MUC5AC: variants seen among roughly 807,000 people sequenced by gnomAD.
The protein encoded by MUC5AC is mucin-5AC.
A neutral mutation model predicts 169.7 loss-of-function variants in MUC5AC; 158 were observed. The ratio of observed to expected loss-of-function variants is 0.93; its 90% confidence interval spans 0.82 to 1.06. The LOEUF is 1.06. Ranked by LOEUF, MUC5AC falls within the 50% of genes least tolerant of loss-of-function variation. The pLI is 0.00. For missense variants in MUC5AC, 4,359 were observed against 3,089.9 expected, an observed-to-expected ratio of 1.41 and a Z score of -9.74; for synonymous variants, 1,975 against 1,237.0, an observed-to-expected ratio of 1.60 and a Z score of -12.52.
chr11:1,166,750 C>A (rs1195302654), intron 11 of MUC5AC, among the ~76,000 whole-genome samples: 1 of 31,660 alleles, frequency 3.2e-5, no homozygotes, highest in East Asian at 1.4e-3. Flanking sequence ...TGAGACCCTG[C>A]ACCCAACACA....
At chr11:1,167,327 C>G (rs995318163) in intron 11 of MUC5AC, among the ~76,000 whole-genome samples, 1 of 139,350 alleles carries the variant, frequency 7.2e-6, no homozygotes, top group Non-Finnish European at 1.6e-5. Context: ...TAGTCTCCCC[C>G]GATGAGACCC....
In MUC5AC at chr11:1,189,147, A is replaced by C. The variant is rs1481236137; in HGVS notation, c.11002A>C (p.Thr3668Pro). The part of the protein sequence containing the change: ...TLVTSSITST[T>P]QTSTTSAPTT... ...GGTGACAAGCAGCATAACCTCCACTACACAGACCAGCACAACCTCTGCCCC... is the reference window on the plus strand; with the variant it reads ...GGTGACAAGCAGCATAACCTCCACTCCACAGACCAGCACAACCTCTGCCCC... Residue 3668 changes from threonine (T) to proline (P), a missense_variant, in exon 31 of 49, where the codon ACA becomes CCA. Transcript: ENST00000621226. 97,424 of 597,246 alleles carry C rather than the reference A, an allele frequency of 0.16. 9,202 individuals are homozygous for C. The highest frequency in any genetic ancestry group is 0.2 in the Non-Finnish European group (65,934 of 335,412). The allele number at this position is 597,246 out of a possible 1,614,324, so 37.0% of individuals were successfully genotyped here.
In MUC5AC at chr11:1,190,942, C is replaced by A. The variant is rs1861076605; in HGVS notation, c.12797C>A (p.Thr4266Asn). The A allele has an allele frequency of 5.4e-6, 4 of 738,446 alleles. No homozygotes were observed. The highest frequency in any genetic ancestry group is 9.9e-6 in the Non-Finnish European group (4 of 405,804). 45.7% of individuals were successfully genotyped at this position (738,446 alleles called of 1,614,324 possible). A position where few individuals can be genotyped will look rare whatever the true frequency, so the allele number is the denominator to read the frequency against. The change falls in exon 31 of 49, where the codon ACC becomes AAC. Residue 4266 changes from threonine (T) to asparagine (N), a missense_variant. Thr to Asn is a moderately conservative substitution (Grantham distance 65). Transcript: ENST00000621226. ...TPSPVPSTST[T>N]SAATTSTTSA... is the part of the protein sequence containing the mutation. ...AGCCCTGTTCCCAGCACCAGTACAACCTCTGCTGCTACAACCAGCACAACC... is the reference window on the plus strand; with the variant it reads ...AGCCCTGTTCCCAGCACCAGTACAAACTCTGCTGCTACAACCAGCACAACC...
At chr11:1,178,307 G>A (rs1339197073) in intron 24 of MUC5AC, 137 bp from the exon 25 acceptor site, 12 of 399,468 alleles carry the variant, frequency 3.0e-5, no homozygotes, top group Non-Finnish European at 5.3e-5. Context: ...ACCTGTGGTC[G>A]CTGTTGGCCA....
chr11:1,162,276 C>A, intron 4 of MUC5AC, 108 bp downstream of exon 4: 1 of 1,469,362 alleles, frequency 6.8e-7, no homozygotes, highest in Non-Finnish European at 9.1e-7. Context: ...TCTCAGGAAG[C>A]CCCTGAGAGC....
chr11:1,195,209 A>T lies in MUC5AC; in HGVS notation c.15388A>T (p.Thr5130Ser). The change falls in exon 36 of 49, where the codon ACC becomes TCC. Residue 5130 changes from threonine to serine, a missense_variant. Physicochemically the swap from Thr to Ser is moderately conservative, Grantham distance 58. Coordinates refer to ENST00000621226, the MANE Select transcript of MUC5AC (RefSeq NM_001304359.2). ...GGTCGGGCCCACCACAGTTGGGTCT[A>T]CCACGGTCGGGCCCACCACACCGCC... ...TTVGPTTVGS[T>S]TVGPTTPPAP... The T allele has an allele frequency of 1.3e-6, 1 of 759,892 alleles. No individual in the cohort carries two copies. The allele number at this position is 759,892 out of a possible 1,614,324, so 47.1% of individuals were successfully genotyped here.
At chr11:1,163,774 C>A (rs1860216390) in intron 6 of MUC5AC, 108 bp from the exon 7 acceptor site, 2 of 836,358 alleles carry the variant, frequency 2.4e-6, no homozygotes, top group Non-Finnish European at 3.9e-6. Context: ...CACCGATGGC[C>A]CTTCTAACCC....
rs1860958350 is a variant in MUC5AC at position 1,186,787 on chromosome 11, G to A, written c.8642G>A (p.Gly2881Glu). The change falls in exon 31 of 49, where the codon GGA (glycine) becomes GAA (glutamate). Residue 2881 changes from glycine to glutamate, a missense_variant. Physicochemically the swap from Gly to Glu is moderately conservative, Grantham distance 98. Coordinates refer to ENST00000621226, the MANE Select transcript of MUC5AC (RefSeq NM_001304359.2). ...ACAACCAGCACAACCTCTGGCCCTGGAACTACTCCCAGCCCTGTTCCCACC... is the reference window on the plus strand; with the variant it reads ...ACAACCAGCACAACCTCTGGCCCTGAAACTACTCCCAGCCCTGTTCCCACC... The part of the protein sequence containing the change: ...TATTSTTSGP[G>E]TTPSPVPTTS... 1 of 724,786 alleles carries A rather than the reference G, an allele frequency of 1.4e-6. No individual in the cohort carries two copies. Among genetic ancestry groups the A allele is most frequent in the East Asian group, 2.6e-5 (1 of 39,088 alleles). The allele number at this position is 724,786 out of a possible 1,614,324, so 44.9% of individuals were successfully genotyped here.
chr11:1,163,835 C>T (rs769517549), intron 6 of MUC5AC, 47 bp from the exon 7 acceptor site: 27 of 1,463,086 alleles, frequency 1.8e-5, no homozygotes, highest in Middle Eastern at 3.4e-4. Context: ...GCTGGGCTGA[C>T]GGGTACCGGG....
intron 30 of MUC5AC, 142 bp downstream of exon 30, chr11:1,181,601 G>A (rs1180257534): frequency 5.0e-6 from 2 of 397,604 alleles, no homozygotes; most frequent in Non-Finnish European, 8.9e-6. Context: ...GAGGAGCAGG[G>A]AGTCGGGCTC....
chr11:1,168,395 GGC>G, intron 12 of MUC5AC, 86 bp from the exon 13 acceptor site: 2 of 1,333,188 alleles, frequency 1.5e-6, no homozygotes, highest in Non-Finnish European at 2.1e-6. Context: ...AGGCCTCCTA[GGC>G]ACCTGCAGGC....
In MUC5AC at chr11:1,187,359, C is replaced by G; in HGVS notation, c.9214C>G (p.Pro3072Ala). Reference protein sequence around the residue: ...SGPGTTPSPVPTTSTTSAPTT... With the variant: ...SGPGTTPSPVATTSTTSAPTT... ...TCCTGGAACTACCCCAAGCCCTGTT[C>G]CCACCACCAGCACAACCTCTGCTCC... The change falls in exon 31 of 49, where the codon CCC becomes GCC. Residue 3072 changes from proline (P) to alanine (A), a missense_variant. By Grantham distance (27) the Pro-to-Ala change is conservative. Transcript: ENST00000621226. 1 of 744,698 alleles carries G rather than the reference C, an allele frequency of 1.3e-6. No individual in the cohort carries two copies. The highest frequency in any genetic ancestry group is 2.5e-6 in the Non-Finnish European group (1 of 407,652). 46.1% of individuals were successfully genotyped at this position (744,698 alleles called of 1,614,324 possible).
At position 1,185,255 on chromosome 11, in the gene MUC5AC, C is replaced by G; in HGVS notation, c.7110C>G (p.Thr2370=). 1 of 704,096 alleles carries G rather than the reference C, an allele frequency of 1.4e-6. No homozygotes were observed. Among genetic ancestry groups the G allele is most frequent in the Non-Finnish European group, 2.6e-6 (1 of 386,936 alleles). The allele number at this position is 704,096 out of a possible 1,614,324, so 43.6% of individuals were successfully genotyped here. Reference sequence around the variant, plus strand: ...CCAGCACAACCTCTGCTCCTACAACCAGCACAACCTCTGCCCGTACAAGCA... The same window carrying G: ...CCAGCACAACCTCTGCTCCTACAACGAGCACAACCTCTGCCCGTACAAGCA... The part of the protein sequence containing the change: ...PTTSTTSAPT[T]STTSARTSST... Residue 2370 remains threonine, a synonymous_variant, in exon 31 of 49, where the codon ACC becomes ACG. Coordinates refer to ENST00000621226, the MANE Select transcript of MUC5AC (RefSeq NM_001304359.2).
In MUC5AC at chr11:1,189,381, TCTGCCC is replaced by T. The variant is rs1293986864; in HGVS notation, c.11239_11244del (p.Ala3747_Pro3748del). The stretch of plus-strand genomic sequence containing the variant: ...CTCTGCCCCTACAACCAGCACAATC[TCTGCCC>T]CTACAACCAGCACAACCTCTGCTCC... On this transcript the variant is annotated inframe_deletion, in exon 31 of 49. Transcript: ENST00000621226. 3.5e-6 allele frequency: 2 copies of T among 573,286 alleles called. No individual in the cohort carries two copies. The highest frequency in any genetic ancestry group is 5.6e-5 in the East Asian group (2 of 35,772). 35.5% of individuals were successfully genotyped at this position (573,286 alleles called of 1,614,324 possible).
In MUC5AC at chr11:1,168,762, T is replaced by C; in HGVS notation, c.1688T>C (p.Leu563Pro). 6.2e-7 allele frequency: 1 copy of C among 1,604,352 alleles called. No individual in the cohort carries two copies. The highest frequency in any genetic ancestry group is 8.5e-7 in the Non-Finnish European group (1 of 1,173,380). The change falls in exon 14 of 49, where the codon CTC becomes CCC. Residue 563 changes from leucine to proline, a missense_variant. Coordinates refer to ENST00000621226, the MANE Select transcript of MUC5AC (RefSeq NM_001304359.2). Reference protein sequence around the residue: ...MQLFMQLAPKLRGQTCGLCGN... With the variant: ...MQLFMQLAPKPRGQTCGLCGN... ...CTGTTCATGCAGCTGGCGCCCAAGC[T>C]CCGTGGGCAGACCTGCGGTAAGAGG... is the stretch of plus-strand genomic sequence containing the variant.
chr11:1,160,888 C>T (rs1293446163), intron 2 of MUC5AC, among the ~76,000 whole-genome samples, 199 bp downstream of exon 2: 2 of 152,230 alleles, frequency 1.3e-5, no homozygotes, highest in East Asian at 1.9e-4. Context: ...GGGCCAGCCC[C>T]CTGCAGCGCT....
In MUC5AC at chr11:1,168,937, C is replaced by G; in HGVS notation, c.1781C>G (p.Ala594Gly). ...TLSGVVEATA[A>G]AFFNTFKTQA... ...AGTGGGGTGGTGGAGGCCACCGCTG[C>G]GGCCTTCTTCAACACCTTCAAGACC... Residue 594 changes from alanine (A) to glycine (G), a missense_variant, in exon 15 of 49, where the codon GCG becomes GGG. Physicochemically the swap from Ala to Gly is moderately conservative, Grantham distance 60 (BLOSUM62 0). Transcript: ENST00000621226. 1 of 1,611,460 alleles carries G rather than the reference C, an allele frequency of 6.2e-7. No homozygotes were observed. The highest frequency in any genetic ancestry group is 8.5e-7 in the Non-Finnish European group (1 of 1,179,192).
intron 29 of MUC5AC, 21 bp from the exon 30 acceptor site, chr11:1,181,250 C>T: frequency 2.5e-6 from 1 of 398,618 alleles, no homozygotes; most frequent in East Asian, 3.6e-5. Flanking sequence ...TCTGACGGGC[C>T]TGGGCCCTCC....
chr11:1,171,336 C>T (rs1860521361), intron 15 of MUC5AC, among the ~76,000 whole-genome samples: 1 of 121,470 alleles, frequency 8.2e-6, no homozygotes, highest in Non-Finnish European at 1.7e-5. Flanking sequence ...CTCACTCACT[C>T]ACGCATTCAC....
Sources: allele counts gnomAD v4.1 joint callset (sites outside exome capture counted in the v4.1 genomes callset), GRCh38; gene constraint gnomAD v4.1.1; transcripts MANE v1.5; gene names NCBI Gene and HGNC (gene_info 2026-07-23, HGNC 2026-07-21).